Variants in RPL5 observed in about 807,000 individuals in gnomAD.
RPL5 encodes the protein large ribosomal subunit protein uL18.
A neutral mutation model predicts 38.4 loss-of-function variants in RPL5; 1 was observed. That is an observed-to-expected ratio of 0.03 (90% confidence interval 0.01 to 0.12). The LOEUF (loss-of-function observed/expected upper bound fraction) is 0.12. RPL5 is among the 10% of genes least tolerant of loss of function. The pLI is 1.00. For missense variants in RPL5, 243 were observed against 374.1 expected, an observed-to-expected ratio of 0.65 and a Z score of 2.89; for synonymous variants, 109 against 121.2, an observed-to-expected ratio of 0.90 and a Z score of 0.66.
chr1:92,833,174 C>A (rs1686977947), intron 1 of RPL5: 2 of 650,688 alleles, frequency 3.1e-6, no homozygotes, highest in South Asian at 3.6e-5. Flanking sequence ...TCTAAGGATT[C>A]ATTTTTATTG....
At chr1:92,837,047 G>A (rs1197615448) in intron 5 of RPL5, 3 of 293,562 alleles carry the variant, frequency 1.0e-5, no homozygotes, top group East Asian at 9.0e-5. Context: ...GGTGGGGGGA[G>A]TTAGTTGCAA....
chr1:92,832,593 C>A (rs976123032), intron 1 of RPL5: 28 of 314,194 alleles, frequency 8.9e-5, no homozygotes, highest in Non-Finnish European at 1.4e-4. Flanking sequence ...GAAGCTTGTG[C>A]CCGTGGGCTG....
At chr1:92,839,472 G>A (rs1687267161) in intron 6 of RPL5, among the ~76,000 whole-genome samples, 1 of 152,174 alleles carries the variant, frequency 6.6e-6, no homozygotes, top group African/African-American at 2.4e-5. Context: ...GGGATAGATT[G>A]GTGGTAGTGA....
rs376415873 is a variant in RPL5 at position 92,835,545 on chromosome 1, A to C, written c.324+632A>C. On this transcript the variant is annotated intron_variant, in intron 4 of 7. Transcript: ENST00000370321. ...CATGATGGTGTGTGTCTGTAGTCCC[A>C]ACTACTTGGGAGGCTGAGGCAGGAG... Among the ~76,000 whole-genome samples the C allele has an allele frequency of 1.4e-4, 21 of 151,850 alleles. 1 individual carries two copies. The South Asian group carries it at 4.2e-3, about 30-fold the overall frequency.
At chr1:92,834,487 T>C (rs892013821) in intron 3 of RPL5, among the ~76,000 whole-genome samples, 1 of 152,218 alleles carries the variant, frequency 6.6e-6, no homozygotes, top group Admixed American at 6.5e-5. Context: ...GTTTGTTGAT[T>C]GTGAAGGCAT....
At chr1:92,837,063 C>T (rs979363776) in intron 5 of RPL5, 2 of 323,704 alleles carry the variant, frequency 6.2e-6, no homozygotes, top group Non-Finnish European at 1.2e-5. Flanking sequence ...TGCAAGTACA[C>T]CAAGAGCATT....
At position 92,836,964 on chromosome 1, in the gene RPL5, A is replaced by C; in HGVS notation, c.528-492A>C. 3 of 238,576 alleles carry C rather than the reference A, an allele frequency of 1.3e-5. No individual in the cohort carries two copies. In the South Asian group the frequency reaches 1.6e-4, roughly 13 times the overall value. The allele number at this position is 238,576 out of a possible 1,614,324, so 14.8% of individuals were successfully genotyped here. ...GAATATTTTAGCATTTGGTGATTTA[A>C]CCAAGAAATAGTAATTTTTGGTAAG... On this transcript the variant is annotated intron_variant, in intron 5 of 7. Coordinates refer to ENST00000370321, the MANE Select transcript of RPL5 (RefSeq NM_000969.5).
Position 92,837,613 on chromosome 1 carries a change from A to G in RPL5, c.685A>G (p.Asn229Asp). The change falls in exon 6 of 8, where the codon AAC becomes GAC. Residue 229 changes from asparagine to aspartate, a missense_variant. Transcript: ENST00000370321. ...YKKQFSQYIK[N>D]SVTPDMMEEM... ...GAAACAGTTCTCTCAATACATAAAGAACAGCGTAACTCCAGACATGGTAAA... is the reference window on the plus strand; with the variant it reads ...GAAACAGTTCTCTCAATACATAAAGGACAGCGTAACTCCAGACATGGTAAA... 1 of 1,612,150 alleles carries G rather than the reference A, an allele frequency of 6.2e-7. No homozygotes were observed. Among genetic ancestry groups the G allele is most frequent in the Non-Finnish European group, 8.5e-7 (1 of 1,179,676 alleles).
chr1:92,836,093 C>A (rs1687113490), intron 4 of RPL5, 97 bp from the exon 5 acceptor site: 1 of 1,154,336 alleles, frequency 8.7e-7, no homozygotes, highest in South Asian at 1.2e-5. Context: ...TTTTCTTTTC[C>A]AGATGTCAGT....
chr1:92,834,163 TAGA>T (rs1687025775), intron 3 of RPL5, among the ~76,000 whole-genome samples: 5 of 152,308 alleles, frequency 3.3e-5, no homozygotes, highest in South Asian at 4.1e-4. Context: ...CCAATTCCAG[TAGA>T]AGAATAGGGT....
At chr1:92,838,416 C>G (rs936843117) in intron 6 of RPL5, among the ~76,000 whole-genome samples, 1 of 152,200 alleles carries the variant, frequency 6.6e-6, no homozygotes, top group Non-Finnish European at 1.5e-5. Context: ...ACTAGTCTTG[C>G]AAAATTTACT....
At chr1:92,835,889 T>C (rs1218173678) in intron 4 of RPL5, among the ~76,000 whole-genome samples, 1 of 152,196 alleles carries the variant, frequency 6.6e-6, no homozygotes, top group African/African-American at 2.4e-5. Flanking sequence ...GAGGGAACAT[T>C]GTAAGTATAA....
chr1:92,833,342 C>A, intron 1 of RPL5, 47 bp from the exon 2 acceptor site: 2 of 1,440,746 alleles, frequency 1.4e-6, no homozygotes, highest in South Asian at 2.3e-5. Context: ...TCAAAAGTAT[C>A]ATAGGCTAAG....
At position 92,832,076 on chromosome 1, in the gene RPL5, T is replaced by G. The variant is rs1173338736; in HGVS notation, c.-39T>G. ...CCCCTAGCGCCGCTGGGCCTGCAGG[T>G]CTCTGTCGAGCAGCGGACGCCGGTC... On this transcript the variant is annotated 5_prime_UTR_variant, in exon 1 of 8. Coordinates refer to ENST00000370321, the MANE Select transcript of RPL5 (RefSeq NM_000969.5). 1 of 1,613,604 alleles carries G rather than the reference T, an allele frequency of 6.2e-7. No individual in the cohort carries two copies. The highest frequency in any genetic ancestry group is 8.5e-7 in the Non-Finnish European group (1 of 1,179,860).
chr1:92,832,158 G>C, intron 1 of RPL5, 41 bp downstream of exon 1: 1 of 1,613,588 alleles, frequency 6.2e-7, no homozygotes, highest in South Asian at 1.1e-5. Flanking sequence ...GATGCATGGA[G>C]GTTCCCTTTT....
Position 92,834,791 on chromosome 1 carries a change from C to A in RPL5, c.202C>A (p.Arg68Ser). 1 of 1,613,172 alleles carries A rather than the reference C, an allele frequency of 6.2e-7. No individual in the cohort carries two copies. Among genetic ancestry groups the A allele is most frequent in the African/African-American group, 1.3e-5 (1 of 74,992 alleles). ...TCTCTTACTATAGATTGCTTATGCC[C>A]GTATAGAGGGGGATATGATAGTCTG... ...RDIICQIAYA[R>S]IEGDMIVCAA... The change falls in exon 4 of 8, where the codon CGT becomes AGT. Residue 68 changes from arginine (R) to serine (S), a missense_variant. Physicochemically the swap from Arg to Ser is moderately radical, Grantham distance 110. Transcript: ENST00000370321.
rs1295343556 is a variant in RPL5 at position 92,833,210 on chromosome 1, A to G, written c.4-179A>G. 1.5e-5 allele frequency: 10 copies of G among 653,580 alleles called. No homozygotes were observed. In the East Asian group the frequency reaches 1.6e-4, roughly 11 times the overall value. The allele number at this position is 653,580 out of a possible 1,614,324, so 40.5% of individuals were successfully genotyped here. ...TTTTATGAAACTACTAGTCTGTGACATGGAAGGTAGAGGAAAAAGATTCTT... is the reference window on the plus strand; with the variant it reads ...TTTTATGAAACTACTAGTCTGTGACGTGGAAGGTAGAGGAAAAAGATTCTT... On this transcript the variant is annotated intron_variant, in intron 1 of 7. Coordinates refer to ENST00000370321, the MANE Select transcript of RPL5 (RefSeq NM_000969.5).
Position 92,836,264 on chromosome 1 carries a change from A to G in RPL5, c.399A>G (p.Glu133=). The G allele has an allele frequency of 1.2e-6, 2 of 1,614,012 alleles. No individual in the cohort carries two copies. Among genetic ancestry groups the G allele is most frequent in the Non-Finnish European group, 1.7e-6 (2 of 1,180,004 alleles). ...TGACTGGTGATGAATACAATGTGGAAAGCATTGATGGTCAGCCAGGTGCCT... is the reference window on the plus strand; with the variant it reads ...TGACTGGTGATGAATACAATGTGGAGAGCATTGATGGTCAGCCAGGTGCCT... ...VEVTGDEYNV[E]SIDGQPGAFT... is the part of the protein sequence containing the mutation. The change falls in exon 5 of 8, where the codon GAA becomes GAG. Residue 133 remains glutamate, a synonymous_variant. Coordinates refer to ENST00000370321, the MANE Select transcript of RPL5 (RefSeq NM_000969.5).
Position 92,833,644 on chromosome 1 carries a change from G to A in RPL5, c.173G>A (p.Arg58Lys). Residue 58 changes from arginine to lysine, a missense_variant, in exon 3 of 8, where the codon AGA becomes AAA. Coordinates refer to ENST00000370321, the MANE Select transcript of RPL5 (RefSeq NM_000969.5). Reference sequence around the variant, plus strand: ...AGGATGATAGTTCGTGTGACAAACAGAGATATCATTTGTCAGGTAAGTTGT... The same window carrying A: ...AGGATGATAGTTCGTGTGACAAACAAAGATATCATTTGTCAGGTAAGTTGT... ...KYRMIVRVTNRDIICQIAYAR... is the reference protein window; with the variant it reads ...KYRMIVRVTNKDIICQIAYAR... 1 of 1,611,068 alleles carries A rather than the reference G, an allele frequency of 6.2e-7. No individual in the cohort carries two copies.
Sources: allele counts gnomAD v4.1 joint callset (sites outside exome capture counted in the v4.1 genomes callset), GRCh38; gene constraint gnomAD v4.1.1; transcripts MANE v1.5; gene names NCBI Gene and HGNC (gene_info 2026-07-23, HGNC 2026-07-21).